VPS50: variants seen among roughly 807,000 people sequenced by gnomAD.
The protein encoded by VPS50 is VPS50 subunit of EARP/GARPII complex, also known as syndetin.
Under a neutral mutation model 139.7 loss-of-function variants are expected in VPS50, and 70 were observed. That is an observed-to-expected ratio of 0.50 (90% CI 0.41 to 0.61). The LOEUF is 0.61. Ranked by LOEUF, VPS50 falls within the 20% of genes least tolerant of loss-of-function variation. The pLI, the probability that VPS50 is intolerant of heterozygous loss-of-function variation, is 0.00. For missense variants in VPS50, 921 were observed against 1,133.7 expected (o/e 0.81, Z 2.69); for synonymous variants, 365 against 376.7 (o/e 0.97, Z 0.36).
In VPS50 at chr7:93,337,105, T is replaced by C. The variant is rs552765985; in HGVS notation, c.2058+2908T>C. On this transcript the variant is annotated intron_variant, in intron 22 of 27. Transcript: ENST00000305866. ...TCAGCTTGACATTTTCGTGACTCTCTTGCTCTCTTCAAGCGTATTTTCCTA... is the reference window on the plus strand; with the variant it reads ...TCAGCTTGACATTTTCGTGACTCTCCTGCTCTCTTCAAGCGTATTTTCCTA... Among the ~76,000 whole-genome samples the C allele has an allele frequency of 3.3e-5, 5 of 152,336 alleles. No homozygotes were observed. In the South Asian group the frequency reaches 1.0e-3, roughly 32 times the overall value.
intron 21 of VPS50, among the ~76,000 whole-genome samples, chr7:93,329,941 C>T (rs958701654): frequency 2.0e-5 from 3 of 152,078 alleles, no homozygotes; most frequent in Admixed American, 6.5e-5. Context: ...ACATGAAAAC[C>T]TAGATCCTCA....
intron 18 of VPS50, among the ~76,000 whole-genome samples, chr7:93,306,558 G>A (rs1235425567): frequency 6.6e-6 from 1 of 151,848 alleles, no homozygotes; most frequent in Non-Finnish European, 1.5e-5. Context: ...AGGATTTGAA[G>A]GCAAATAATG....
chr7:93,308,821 CA>C lies in VPS50; in HGVS notation c.1630-2del. ...ATTTTTTAATAACCTGTGTTTTCTT[CA>C]GTATGAATCTGATGAACAAGAAAAG... On this transcript the variant is annotated splice_acceptor_variant, in intron 18 of 27. Coordinates refer to ENST00000305866, the MANE Select transcript of VPS50 (RefSeq NM_017667.4). LOFTEE classifies it high-confidence loss of function. 1 of 1,525,896 alleles carries C rather than the reference CA, an allele frequency of 6.6e-7. No homozygotes were observed. Among genetic ancestry groups the C allele is most frequent in the Non-Finnish European group, 9.1e-7 (1 of 1,102,474 alleles). The allele number at this position is 1,525,896 out of a possible 1,614,324, so 94.5% of individuals were successfully genotyped here. A position where few individuals can be genotyped will look rare whatever the true frequency, so the allele number is the denominator to read the frequency against.
rs1242414203 is a variant in VPS50 at position 93,343,296 on chromosome 7, A to G, written c.2207+1721A>G. ...GAAGTTTAGAGAAAAGAGAATAAAA[A>G]GAAATGAACAAAGCCTCCAAGAAAT... On this transcript the variant is annotated intron_variant, in intron 23 of 27. Coordinates refer to ENST00000305866, the MANE Select transcript of VPS50 (RefSeq NM_017667.4). Among the ~76,000 whole-genome samples the G allele has an allele frequency of 5.3e-5, 8 of 152,358 alleles. No homozygotes were observed. In the East Asian group the frequency reaches 1.3e-3, roughly 26 times the overall value.
chr7:93,324,180 A>G (rs556240471), intron 21 of VPS50, among the ~76,000 whole-genome samples: 5 of 152,184 alleles, frequency 3.3e-5, no homozygotes, highest in Non-Finnish European at 7.4e-5. Context: ...GCTTAAGGAT[A>G]TTTTGGGCTG....
chr7:93,288,595 T>C (rs1796561413), intron 12 of VPS50, among the ~76,000 whole-genome samples: 1 of 152,120 alleles, frequency 6.6e-6, no homozygotes, highest in South Asian at 2.1e-4. Flanking sequence ...GCATCAGCAA[T>C]GTATGAGAGT....
chr7:93,268,594 T>C (rs1795912639), intron 9 of VPS50, among the ~76,000 whole-genome samples: 1 of 152,296 alleles, frequency 6.6e-6, no homozygotes, highest in Non-Finnish European at 1.5e-5. Context: ...TTTCTATTCC[T>C]GTATTAGTTT....
chr7:93,285,156 C>G (rs550525657), intron 12 of VPS50, among the ~76,000 whole-genome samples: 2 of 150,726 alleles, frequency 1.3e-5, no homozygotes, highest in African/African-American at 2.5e-5. Flanking sequence ...GATAACCAAC[C>G]CTTTGTTGTT....
intron 11 of VPS50, among the ~76,000 whole-genome samples, chr7:93,274,288 A>G (rs1412740767): frequency 6.6e-6 from 1 of 152,166 alleles, no homozygotes; most frequent in Non-Finnish European, 1.5e-5. Context: ...AGAGGTACAG[A>G]GAATAAGTCA....
chr7:93,253,558 C>CT (rs1171937045), intron 3 of VPS50, among the ~76,000 whole-genome samples: 1 of 152,190 alleles, frequency 6.6e-6, no homozygotes, highest in Non-Finnish European at 1.5e-5. Flanking sequence ...GCAGCAGTGT[C>CT]TGTCGGCCTA....
At chr7:93,239,042 A>G (rs897813387) in intron 1 of VPS50, among the ~76,000 whole-genome samples, 7 of 152,176 alleles carry the variant, frequency 4.6e-5, no homozygotes, top group African/African-American at 1.4e-4. Context: ...CAAATAGTCA[A>G]CATAAGCATA....
chr7:93,299,050 G>A (rs1584442396), intron 16 of VPS50, among the ~76,000 whole-genome samples: 1 of 152,110 alleles, frequency 6.6e-6, no homozygotes, highest in Non-Finnish European at 1.5e-5. Context: ...AAAAATTGGG[G>A]CAGGTTAAAC....
rs748857889 is a variant in VPS50 at position 93,296,797 on chromosome 7, A to G, written c.1223A>G (p.Lys408Arg). 1 of 1,605,834 alleles carries G rather than the reference A, an allele frequency of 6.2e-7. No homozygotes were observed. The highest frequency in any genetic ancestry group is 8.5e-7 in the Non-Finnish European group (1 of 1,178,328). The change falls in exon 15 of 28, where the codon AAA becomes AGA. Residue 408 changes from lysine to arginine, a missense_variant. Lys to Arg is a conservative substitution (Grantham distance 26). This residue lies in a region of VPS50 where 744 missense variants were observed against 930.6 expected (regional missense o/e 0.80). Transcript: ENST00000305866. ...CTTGGAACTGATTTGTCTATATTCAAATATGATGATTTCATCTTTGTTTTG... is the reference window on the plus strand; with the variant it reads ...CTTGGAACTGATTTGTCTATATTCAGATATGATGATTTCATCTTTGTTTTG... ...YLLGTDLSIF[K>R]YDDFIFVLDI...
chr7:93,235,973 A>G (rs1794787915), intron 1 of VPS50, among the ~76,000 whole-genome samples: 1 of 152,226 alleles, frequency 6.6e-6, no homozygotes, highest in African/African-American at 2.4e-5. Flanking sequence ...CTCAGGGGGA[A>G]GTGGTGGATC....
chr7:93,342,964 C>T (rs148291083), intron 23 of VPS50, among the ~76,000 whole-genome samples: 12,940 of 152,228 alleles, frequency 0.085, 1,427 homozygotes, highest in African/African-American at 0.25. Context: ...TCACCAGCAA[C>T]GGAACAAAGC....
chr7:93,304,925 T>C (rs1052573530), intron 17 of VPS50, among the ~76,000 whole-genome samples: 3 of 151,880 alleles, frequency 2.0e-5, no homozygotes, highest in Non-Finnish European at 4.4e-5. Context: ...AAATGTATAG[T>C]TGAAATGCAA....
chr7:93,233,852 G>A (rs542598566), intron 1 of VPS50, among the ~76,000 whole-genome samples: 2 of 152,198 alleles, frequency 1.3e-5, no homozygotes, highest in African/African-American at 4.8e-5. Context: ...TAGCCTGATA[G>A]TGGTGTTTAC....
At chr7:93,356,492 C>T (rs575502974) in intron 27 of VPS50, among the ~76,000 whole-genome samples, 2 of 152,056 alleles carry the variant, frequency 1.3e-5, no homozygotes, top group South Asian at 4.1e-4. Context: ...TCTCGTACTC[C>T]TCAACGATGA....
At chr7:93,261,840 T>C (rs1394276633) in intron 9 of VPS50, among the ~76,000 whole-genome samples, 1 of 152,012 alleles carries the variant, frequency 6.6e-6, no homozygotes, top group African/African-American at 2.4e-5. Flanking sequence ...GAGTTGTGAA[T>C]AGGAAACTGT....
Sources: gnomAD v4.1 joint callset for allele counts (sites outside exome capture counted in the v4.1 genomes callset) on GRCh38, gnomAD v4.1.1 for gene constraint, gnomAD v4.1.1 regional missense constraint, MANE v1.5 for transcripts, NCBI Gene and HGNC (gene_info 2026-07-23, HGNC 2026-07-21) for gene names.